Variants in TMEM132B observed in about 807,000 individuals in gnomAD.
TMEM132B encodes the protein transmembrane protein 132B.
Under a neutral mutation model 90.8 loss-of-function variants are expected in TMEM132B, and 18 were observed. The observed-to-expected ratio is 0.20, with a 90% CI of 0.14 to 0.29. The LOEUF (loss-of-function observed/expected upper bound fraction) is 0.29. Among genes scored for constraint, TMEM132B ranks in the 10% least tolerant of loss-of-function variants. TMEM132B has a pLI of 1.00. For synonymous variants in TMEM132B, 504 were observed against 523.3 expected (o/e 0.96, Z 0.50); for missense variants, 1,096 against 1,326.8 (o/e 0.83, Z 2.70).
intron 4 of TMEM132B, among the ~76,000 whole-genome samples, chr12:125,536,994 T>TA (rs1356587342): frequency 2.0e-5 from 3 of 152,250 alleles, no homozygotes; most frequent in African/African-American, 4.8e-5. Flanking sequence ...TGGGATTTTT[T>TA]AAAAAAAATC....
At chr12:125,502,158 AC>A (rs1226171014) in intron 3 of TMEM132B, among the ~76,000 whole-genome samples, 1 of 152,188 alleles carries the variant, frequency 6.6e-6, no homozygotes, top group African/African-American at 2.4e-5. Flanking sequence ...GTCCTCTGCC[AC>A]TGAAATCTCA....
rs576840451 is a variant in TMEM132B, at chr12:125,194,847, T to C, written c.67+7981T>C. Among the ~76,000 whole-genome samples the C allele has an allele frequency of 7.8e-4, 119 of 151,884 alleles. 1 individual carries two copies. The highest frequency in any genetic ancestry group is 2.8e-3 in the African/African-American group (114 of 41,400). On this transcript the variant is annotated intron_variant, in intron 1 of 8. Coordinates refer to ENST00000682704, the MANE Select transcript of TMEM132B (RefSeq NM_001366854.1). Reference sequence around the variant, plus strand: ...GAAAATGTTATTTTGCTAGAAAACTTGTCTCTAAGCAGCAGCGAATCATAA... The same window carrying C: ...GAAAATGTTATTTTGCTAGAAAACTCGTCTCTAAGCAGCAGCGAATCATAA...
At chr12:125,627,264 T>C (rs74496021) in intron 5 of TMEM132B, among the ~76,000 whole-genome samples, 2,490 of 152,246 alleles carry the variant, frequency 0.016, 71 homozygotes, top group African/African-American at 0.056. Flanking sequence ...TGTCTGATAG[T>C]CCAAACAACT....
intron 1 of TMEM132B, among the ~76,000 whole-genome samples, chr12:125,192,270 G>A (rs1872812075): frequency 6.6e-6 from 1 of 152,232 alleles, no homozygotes; most frequent in Non-Finnish European, 1.5e-5. Flanking sequence ...CAGCCAATAA[G>A]TGATGGGGTG....
At chr12:125,339,824 G>A (rs557629618) in intron 1 of TMEM132B, among the ~76,000 whole-genome samples, 1 of 152,130 alleles carries the variant, frequency 6.6e-6, no homozygotes, top group Non-Finnish European at 1.5e-5. Context: ...TAGCTATATT[G>A]CCTCTTGAAA....
intron 5 of TMEM132B, among the ~76,000 whole-genome samples, chr12:125,643,615 G>A (rs1030687559): frequency 1.3e-5 from 2 of 152,176 alleles, no homozygotes; most frequent in Admixed American, 6.5e-5. Flanking sequence ...TTTTAATCTA[G>A]TGCAAAGCTC....
chr12:125,344,233 T>A (rs1877286752), intron 1 of TMEM132B, among the ~76,000 whole-genome samples: 1 of 152,220 alleles, frequency 6.6e-6, no homozygotes, highest in African/African-American at 2.4e-5. Context: ...AGTCATGCTT[T>A]AGTCAGGAAA....
intron 6 of TMEM132B, among the ~76,000 whole-genome samples, chr12:125,645,387 A>G (rs1454610926): frequency 1.3e-5 from 2 of 152,194 alleles, no homozygotes. Flanking sequence ...CCAACAGATA[A>G]GCCCTCTGCA....
intron 4 of TMEM132B, among the ~76,000 whole-genome samples, chr12:125,537,972 A>T (rs1437856357): frequency 1.3e-5 from 2 of 152,034 alleles, no homozygotes; most frequent in Non-Finnish European, 2.9e-5. Context: ...AACTCTGCAG[A>T]TCTCCACACT....
chr12:125,515,586 C>T (rs1012260048), intron 3 of TMEM132B, among the ~76,000 whole-genome samples: 3 of 151,386 alleles, frequency 2.0e-5, no homozygotes, highest in African/African-American at 2.4e-5. Context: ...CACACACATT[C>T]CCTCTCACAC....
chr12:125,483,446 T>G (rs1322340412), intron 3 of TMEM132B, among the ~76,000 whole-genome samples: 1 of 152,094 alleles, frequency 6.6e-6, no homozygotes, highest in African/African-American at 2.4e-5. Context: ...AAAAACAATG[T>G]AACTAAAAAA....
At chr12:125,314,962 C>G (rs1358460063) in intron 1 of TMEM132B, among the ~76,000 whole-genome samples, 6 of 152,150 alleles carry the variant, frequency 3.9e-5, no homozygotes. Context: ...CACTTGCAGG[C>G]AGAGTTGGGG....
At chr12:125,649,176 CAT>C (rs1281490902) in intron 6 of TMEM132B, among the ~76,000 whole-genome samples, 1 of 152,108 alleles carries the variant, frequency 6.6e-6, no homozygotes, top group Non-Finnish European at 1.5e-5. Flanking sequence ...ATTTTTCTAC[CAT>C]TTTATAAATG....
chr12:125,390,449 C>T (rs1334167778), intron 2 of TMEM132B, among the ~76,000 whole-genome samples: 1 of 152,212 alleles, frequency 6.6e-6, no homozygotes, highest in East Asian at 1.9e-4. Context: ...TTTGTAGTGG[C>T]TTAAAAATAC....
At chr12:125,360,002 C>T (rs1468383957) in intron 2 of TMEM132B, among the ~76,000 whole-genome samples, 3 of 152,138 alleles carry the variant, frequency 2.0e-5, no homozygotes, top group Non-Finnish European at 4.4e-5. Flanking sequence ...CACTTGAACC[C>T]AGGAGGTGGA....
At chr12:125,371,783 C>G (rs1360460737) in intron 2 of TMEM132B, among the ~76,000 whole-genome samples, 2 of 152,186 alleles carry the variant, frequency 1.3e-5, no homozygotes, top group African/African-American at 4.8e-5. Context: ...TAGCACTAAT[C>G]AGAGATGCAA....
chr12:125,361,481 A>T (rs1877956292), intron 2 of TMEM132B, among the ~76,000 whole-genome samples: 2 of 152,216 alleles, frequency 1.3e-5, no homozygotes, highest in East Asian at 3.8e-4. Flanking sequence ...CCCATGTGGC[A>T]ACAAAAATTC....
chr12:125,193,673 T>C (rs1275393153), intron 1 of TMEM132B, among the ~76,000 whole-genome samples: 1 of 152,228 alleles, frequency 6.6e-6, no homozygotes, highest in Non-Finnish European at 1.5e-5. Context: ...CACGGTTCTT[T>C]GCAGAGTGCC....
chr12:125,614,017 AC>A (rs1322590696), intron 5 of TMEM132B, among the ~76,000 whole-genome samples: 13 of 152,268 alleles, frequency 8.5e-5, no homozygotes, highest in Non-Finnish European at 1.3e-4. Context: ...ATAATTGTAT[AC>A]ATACTGTTTT....
Sources: gnomAD v4.1 joint callset for allele counts (sites outside exome capture counted in the v4.1 genomes callset) on GRCh38, gnomAD v4.1.1 for gene constraint, MANE v1.5 for transcripts, NCBI Gene and HGNC (gene_info 2026-07-23, HGNC 2026-07-21) for gene names.